The following SPATA6L variants were observed in gnomAD, a reference collection of about 807,000 sequenced individuals.
The protein encoded by SPATA6L is spermatogenesis associated 6-like protein.
SPATA6L carries 68 observed loss-of-function variants against 49.2 expected under a neutral mutation model. The observed-to-expected ratio is 1.38, with a 90% confidence interval of 1.14 to 1.69. SPATA6L has a LOEUF of 1.69. SPATA6L is among the 40% of genes most tolerant of loss of function. The pLI is 0.00. For synonymous variants in SPATA6L, 198 were observed against 165.7 expected, an observed-to-expected ratio of 1.19 and a Z score of -1.50; for missense variants, 668 against 464.3, an observed-to-expected ratio of 1.44 and a Z score of -4.03.
Position 4,605,381 on chromosome 9 carries a change from A to C in SPATA6L, c.1055T>G (p.Leu352Arg), listed in dbSNP as rs750971766. 4 of 1,614,074 alleles carry C rather than the reference A, an allele frequency of 2.5e-6. No homozygotes were observed. The highest frequency in any genetic ancestry group is 1.3e-5 in the African/African-American group (1 of 74,944). ...GTGCAGCTGTGCTCTGTGGGATGTC[A>C]GAAGACTGCATACCCTCTCATGGAT... is the stretch of plus-strand genomic sequence containing the variant. ...KNIHERVCSL[L>R]TSHRAQLHQN... is the part of the protein sequence containing the mutation. Residue 352 changes from leucine (L) to arginine (R), a missense_variant, in exon 10 of 12, where the codon CTG becomes CGG. Coordinates refer to ENST00000682582, the MANE Select transcript of SPATA6L (RefSeq NM_001353486.2).
In SPATA6L at chr9:4,629,134, G is replaced by A. The variant is rs1487132854; in HGVS notation, c.386C>T (p.Thr129Ile). ...CAGAAACACACATTCTCTGATGGCTGTCCTTGTAGAAAACTCTATTTTGGG... is the reference window on the plus strand; with the variant it reads ...CAGAAACACACATTCTCTGATGGCTATCCTTGTAGAAAACTCTATTTTGGG... ...IAPKIEFSTR[T>I]AIRECVFLHR... Residue 129 changes from threonine (T) to isoleucine (I), a missense_variant, in exon 5 of 12, where the codon ACA (threonine) becomes ATA (isoleucine). Coordinates refer to ENST00000682582, the MANE Select transcript of SPATA6L (RefSeq NM_001353486.2). 1 of 1,611,362 alleles carries A rather than the reference G, an allele frequency of 6.2e-7. No homozygotes were observed. Among genetic ancestry groups the A allele is most frequent in the African/African-American group, 1.3e-5 (1 of 74,772 alleles).
At chr9:4,649,420 G>C (rs918257954) in intron 3 of SPATA6L, among the ~76,000 whole-genome samples, 1 of 152,180 alleles carries the variant, frequency 6.6e-6, no homozygotes, top group African/African-American at 2.4e-5. Context: ...TTATGGTCAG[G>C]CTCTAAATTC....
intron 2 of SPATA6L, among the ~76,000 whole-genome samples, chr9:4,658,457 T>C (rs1407334577): frequency 6.6e-6 from 1 of 152,168 alleles, no homozygotes; most frequent in Non-Finnish European, 1.5e-5. Flanking sequence ...AAGAAAGGAA[T>C]ATGAACCCAA....
At position 4,651,731 on chromosome 9, in the gene SPATA6L, G is replaced by A. The variant is rs187340979; in HGVS notation, c.226+4310C>T. 4.3e-4 allele frequency among the ~76,000 whole-genome samples: 65 copies of A among 152,236 alleles called. No individual in the cohort carries two copies. The East Asian group carries it at 0.011, about 25-fold the overall frequency. On this transcript the variant is annotated intron_variant, in intron 3 of 11. Transcript: ENST00000682582. ...GATCATCTCAATAGATGTAGAAAAGGCGTGTGATAAAATTCAACATTACTT... is the reference window on the plus strand; with the variant it reads ...GATCATCTCAATAGATGTAGAAAAGACGTGTGATAAAATTCAACATTACTT...
chr9:4,595,120 A>C (rs1005030355), downstream of SPATA6L, among the ~76,000 whole-genome samples: 1 of 152,208 alleles, frequency 6.6e-6, no homozygotes, highest in African/African-American at 2.4e-5. Flanking sequence ...TTATTTCTGC[A>C]GGGCAATTAT....
chr9:4,607,409 C>G (rs1024978100), intron 9 of SPATA6L, among the ~76,000 whole-genome samples: 1 of 152,024 alleles, frequency 6.6e-6, no homozygotes, highest in Non-Finnish European at 1.5e-5. Context: ...GTCGGGTTAC[C>G]CTCAAAGGGA....
chr9:4,656,774 G>A (rs1369677507), intron 2 of SPATA6L, among the ~76,000 whole-genome samples: 1 of 152,172 alleles, frequency 6.6e-6, no homozygotes, highest in Non-Finnish European at 1.5e-5. Flanking sequence ...ACCCCAGAGT[G>A]TTGTTTGACT....
At chr9:4,665,302 G>A (rs1305399075) in intron 1 of SPATA6L, 1 of 156,956 alleles carries the variant, frequency 6.4e-6, no homozygotes, top group Non-Finnish European at 1.5e-5. Context: ...TTGATGAGGA[G>A]GGAGACAGAT....
At chr9:4,619,989 G>A (rs993067107) in intron 7 of SPATA6L, among the ~76,000 whole-genome samples, 1 of 152,098 alleles carries the variant, frequency 6.6e-6, no homozygotes, top group African/African-American at 2.4e-5. Context: ...CAATGACAAG[G>A]GACTTTTTCT....
intron 9 of SPATA6L, among the ~76,000 whole-genome samples, chr9:4,613,370 C>G (rs546432775): frequency 6.6e-6 from 1 of 152,122 alleles, no homozygotes; most frequent in Non-Finnish European, 1.5e-5. Flanking sequence ...AGTTGCCCCT[C>G]TGCTTGGCTG....
chr9:4,650,432 C>T (rs559854165), intron 3 of SPATA6L, among the ~76,000 whole-genome samples: 2 of 151,994 alleles, frequency 1.3e-5, no homozygotes, highest in Non-Finnish European at 2.9e-5. Flanking sequence ...CAAACTAAAC[C>T]TAAAGCAAAC....
intron 5 of SPATA6L, 23 bp downstream of exon 5, chr9:4,629,068 C>T: frequency 6.6e-7 from 1 of 1,510,732 alleles, no homozygotes; most frequent in African/African-American, 1.4e-5. Context: ...TCATTTCTAT[C>T]ACTAGATTTG....
At chr9:4,659,409 G>C (rs1318095736) in intron 2 of SPATA6L, among the ~76,000 whole-genome samples, 1 of 151,684 alleles carries the variant, frequency 6.6e-6, no homozygotes, top group Non-Finnish European at 1.5e-5. Flanking sequence ...GAAATCATGA[G>C]TGAACTCCTA....
intron 3 of SPATA6L, among the ~76,000 whole-genome samples, chr9:4,644,685 T>TCTCTCTCTCA (rs1438618515): frequency 9.3e-6 from 1 of 107,680 alleles, no homozygotes; most frequent in Non-Finnish European, 1.9e-5. Flanking sequence ...TCTCTCTCTC[T>TCTCTCTCTCA]CACACACACA....
At chr9:4,659,837 A>G (rs1839192704) in intron 2 of SPATA6L, among the ~76,000 whole-genome samples, 1 of 152,192 alleles carries the variant, frequency 6.6e-6, no homozygotes, top group South Asian at 2.1e-4. Flanking sequence ...AGAGATACAG[A>G]CCAATGGAAC....
intron 9 of SPATA6L, among the ~76,000 whole-genome samples, chr9:4,616,985 T>C (rs10116676): frequency 0.06 from 9,115 of 152,310 alleles, 403 homozygotes; most frequent in African/African-American, 0.1. Flanking sequence ...AAATATTTGA[T>C]CTGGCTTCCT....
chr9:4,622,623 A>G, intron 6 of SPATA6L, 113 bp from the exon 7 acceptor site: 2 of 718,714 alleles, frequency 2.8e-6, no homozygotes, highest in Non-Finnish European at 4.6e-6. Flanking sequence ...GGTTGGAAAA[A>G]GAAGGCTGGA....
At chr9:4,597,466 G>T (rs1822374393), downstream of SPATA6L, among the ~76,000 whole-genome samples, 1 of 152,032 alleles carries the variant, frequency 6.6e-6, no homozygotes, top group Admixed American at 6.6e-5. Context: ...TCCTCATTTT[G>T]TTGAAGAAGC....
intron 1 of SPATA6L, chr9:4,663,773 C>T (rs1260882880): frequency 6.0e-6 from 1 of 167,054 alleles, no homozygotes; most frequent in Non-Finnish European, 1.5e-5. Flanking sequence ...AGTTTATTCC[C>T]TGAAGATCTG....
Sources: gnomAD v4.1 joint callset for allele counts (sites outside exome capture counted in the v4.1 genomes callset) on GRCh38, gnomAD v4.1.1 for gene constraint, MANE v1.5 for transcripts, NCBI Gene and HGNC (gene_info 2026-07-23, HGNC 2026-07-21) for gene names.